Variants in ZNF620 observed in about 807,000 individuals in gnomAD.
ZNF620 encodes zinc finger protein 620.
Under a neutral mutation model 13.3 loss-of-function variants are expected in ZNF620, and 10 were observed. The ratio of observed to expected loss-of-function variants is 0.75; its 90% confidence interval spans 0.46 to 1.28. The LOEUF is 1.28. Among genes scored for constraint, ZNF620 ranks in the 50% most tolerant of loss-of-function variants. ZNF620 has a pLI of 0.00. For missense variants in ZNF620, 461 were observed against 500.2 expected (o/e 0.92, Z 0.75); for synonymous variants, 166 against 177.6 (o/e 0.93, Z 0.52).
In ZNF620 at chr3:40,506,300, TCA is replaced by T; in HGVS notation, c.-49-3_-49-2del. 1 of 1,612,926 alleles carries T rather than the reference TCA, an allele frequency of 6.2e-7. No individual in the cohort carries two copies. Among genetic ancestry groups the T allele is most frequent in the Non-Finnish European group, 8.5e-7 (1 of 1,179,396 alleles). ...TCACCGGTGCTTCTTTATTTTCTCT[TCA>T]GTTTCACTTCTCCGAACCCTGAGGC... is the stretch of plus-strand genomic sequence containing the variant. On this transcript the variant is annotated splice_acceptor_variant and splice_polypyrimidine_tract_variant and intron_variant, in intron 1 of 4. Transcript: ENST00000314529. LOFTEE classifies it low-confidence loss of function (5UTR_SPLICE).
chr3:40,511,080 C>T (rs1168116040), intron 2 of ZNF620, among the ~76,000 whole-genome samples: 1 of 152,138 alleles, frequency 6.6e-6, no homozygotes, highest in East Asian at 1.9e-4. Flanking sequence ...ATGTTACTAT[C>T]ACTTTAATGG....
At chr3:40,506,246 C>A in intron 1 of ZNF620, 58 bp from the exon 2 acceptor site, 2 of 1,426,964 alleles carry the variant, frequency 1.4e-6, no homozygotes, top group Non-Finnish European at 2.0e-6. Flanking sequence ...GCACAGAGGG[C>A]ATTTGCGGGG....
chr3:40,506,401 T>TC, intron 2 of ZNF620, 25 bp downstream of exon 2: 9 of 760,864 alleles, frequency 1.2e-5, no homozygotes, highest in Admixed American at 2.2e-5. Flanking sequence ...TCTCCCTCCC[T>TC]CCCACCCTTT....
intron 4 of ZNF620, among the ~76,000 whole-genome samples, chr3:40,513,207 G>A (rs1417847192): frequency 6.6e-6 from 1 of 150,546 alleles, no homozygotes; most frequent in Non-Finnish European, 1.5e-5. Flanking sequence ...GCTCATACCT[G>A]TAATCTCAGC....
Position 40,506,099 on chromosome 3 carries a change from G to A in ZNF620, c.-89G>A, listed in dbSNP as rs1228471987. 8 of 578,060 alleles carry A rather than the reference G, an allele frequency of 1.4e-5. No homozygotes were observed. Among genetic ancestry groups the A allele is most frequent in the Non-Finnish European group, 2.2e-5 (7 of 322,570 alleles). The allele number at this position is 578,060 out of a possible 1,614,324, so 35.8% of individuals were successfully genotyped here. On this transcript the variant is annotated 5_prime_UTR_variant, in exon 1 of 5. Transcript: ENST00000314529. ...CACGCTTTATCTGCGCCTGCGCCGC[G>A]CGGGATTCGCGGTCCGAGCTGAAGA...
At chr3:40,511,322 C>A in intron 2 of ZNF620, 148 bp from the exon 3 acceptor site, 1 of 1,074,636 alleles carries the variant, frequency 9.3e-7, no homozygotes. Context: ...CCTGTTGGTG[C>A]GGGCAAAGAT....
intron 2 of ZNF620, among the ~76,000 whole-genome samples, chr3:40,508,028 T>C (rs1468169268): frequency 6.6e-6 from 1 of 152,212 alleles, no homozygotes; most frequent in Non-Finnish European, 1.5e-5. Context: ...TGTGCTTATC[T>C]TTTATTACCT....
At chr3:40,514,492 T>G (rs1019521814) in intron 4 of ZNF620, among the ~76,000 whole-genome samples, 1 of 152,128 alleles carries the variant, frequency 6.6e-6, no homozygotes, top group Non-Finnish European at 1.5e-5. Flanking sequence ...TTGTCTTGTG[T>G]CTTTATTTCT....
rs774821757 is a variant in ZNF620, at chr3:40,511,613, T to C, written c.151+17T>C. On this transcript the variant is annotated intron_variant, in intron 3 of 4. Transcript: ENST00000314529. ...CTTCCCTGGGTAAGACATTTCTTCT[T>C]GTTTTTGGCCTCTGCCCTTTAAGCA... The C allele has an allele frequency of 8.1e-6, 13 of 1,611,586 alleles. No individual in the cohort carries two copies. Among genetic ancestry groups the C allele is most frequent in the Non-Finnish European group, 1.1e-5 (13 of 1,178,954 alleles).
Position 40,506,122 on chromosome 3 carries a change from A to G in ZNF620, c.-66A>G, listed in dbSNP as rs1698007444. 1 of 615,020 alleles carries G rather than the reference A, an allele frequency of 1.6e-6. No homozygotes were observed. The highest frequency in any genetic ancestry group is 1.8e-5 in the African/African-American group (1 of 54,562). 38.1% of individuals were successfully genotyped at this position (615,020 alleles called of 1,614,324 possible). ...GCGCGGGATTCGCGGTCCGAGCTGA[A>G]GAGGTTCGCGGTCCGGGTAACTGAT... is the stretch of plus-strand genomic sequence containing the variant. On this transcript the variant is annotated 5_prime_UTR_variant, in exon 1 of 5. Coordinates refer to ENST00000314529, the MANE Select transcript of ZNF620 (RefSeq NM_175888.4).
intron 3 of ZNF620, among the ~76,000 whole-genome samples, chr3:40,512,017 G>T (rs887390790): frequency 1.3e-5 from 2 of 152,094 alleles, no homozygotes; most frequent in Non-Finnish European, 2.9e-5. Flanking sequence ...ACTCTCTGTT[G>T]CCCTGAAGGC....
rs1401821964 is a variant in ZNF620, at chr3:40,516,905, C to T, written c.*42C>T. 2.0e-6 allele frequency: 3 copies of T among 1,525,962 alleles called. No homozygotes were observed. In the African/African-American group the frequency reaches 4.2e-5, roughly 21 times the overall value. 94.5% of individuals were successfully genotyped at this position (1,525,962 alleles called of 1,614,324 possible). A position where few individuals can be genotyped will look rare whatever the true frequency, so the allele number is the denominator to read the frequency against. On this transcript the variant is annotated 3_prime_UTR_variant, in exon 5 of 5. Coordinates refer to ENST00000314529, the MANE Select transcript of ZNF620 (RefSeq NM_175888.4). Reference sequence around the variant, plus strand: ...GCCCACTGTGCCTCTCCTTTTTTCTCTTTATTTTCATGCTTTTTATCAGTG... The same window carrying T: ...GCCCACTGTGCCTCTCCTTTTTTCTTTTTATTTTCATGCTTTTTATCAGTG...
intron 4 of ZNF620, among the ~76,000 whole-genome samples, chr3:40,513,466 A>G (rs1307040579): frequency 6.6e-6 from 1 of 150,696 alleles, no homozygotes; most frequent in Non-Finnish European, 1.5e-5. Flanking sequence ...GTGAAACTCC[A>G]TCGCTACTAA....
At chr3:40,508,451 T>A (rs1698096233) in intron 2 of ZNF620, among the ~76,000 whole-genome samples, 1 of 152,184 alleles carries the variant, frequency 6.6e-6, no homozygotes, top group South Asian at 2.1e-4. Context: ...TTACTGACTT[T>A]ACAAATATTT....
At chr3:40,508,567 T>C (rs1698100103) in intron 2 of ZNF620, 1 of 238,746 alleles carries the variant, frequency 4.2e-6, no homozygotes, top group Admixed American at 5.2e-5. Context: ...AGCTTTCTTT[T>C]ATGGCCCAGA....
At position 40,506,114 on chromosome 3, in the gene ZNF620, C is replaced by G. The variant is rs1698007129; in HGVS notation, c.-74C>G. ...CCTGCGCCGCGCGGGATTCGCGGTC[C>G]GAGCTGAAGAGGTTCGCGGTCCGGG... On this transcript the variant is annotated 5_prime_UTR_variant, in exon 1 of 5. Coordinates refer to ENST00000314529, the MANE Select transcript of ZNF620 (RefSeq NM_175888.4). 1 of 591,384 alleles carries G rather than the reference C, an allele frequency of 1.7e-6. No individual in the cohort carries two copies. The highest frequency in any genetic ancestry group is 3.0e-6 in the Non-Finnish European group (1 of 330,890). 36.6% of individuals were successfully genotyped at this position (591,384 alleles called of 1,614,324 possible). A position where few individuals can be genotyped will look rare whatever the true frequency, so the allele number is the denominator to read the frequency against.
rs1180708300 is a variant in ZNF620, at chr3:40,518,062, C to T, written c.*1199C>T. ...ATTTGTCTTAAATTTATTCTCATTG[C>T]TGTTTCAAGTGACCTCAAAGCAGGC... is the stretch of plus-strand genomic sequence containing the variant. On this transcript the variant is annotated 3_prime_UTR_variant, in exon 5 of 5. Transcript: ENST00000314529. The T allele has an allele frequency of 6.6e-6, 1 of 152,252 alleles. No individual in the cohort carries two copies. Among genetic ancestry groups the T allele is most frequent in the African/African-American group, 2.4e-5 (1 of 41,468 alleles). The allele number at this position is 152,252 out of a possible 1,614,324, so 9.4% of individuals were successfully genotyped here. A position where few individuals can be genotyped will look rare whatever the true frequency, so the allele number is the denominator to read the frequency against.
intron 2 of ZNF620, 32 bp from the exon 3 acceptor site, chr3:40,511,438 C>T: frequency 1.9e-6 from 3 of 1,608,088 alleles, no homozygotes; most frequent in Non-Finnish European, 2.5e-6. Flanking sequence ...TCTGCCCTCA[C>T]ACAGGGTTTG....
At chr3:40,506,253 G>A (rs1698011960) in intron 1 of ZNF620, 51 bp from the exon 2 acceptor site, 4 of 1,487,916 alleles carry the variant, frequency 2.7e-6, no homozygotes, top group Admixed American at 1.8e-5. Context: ...GGGCATTTGC[G>A]GGGTGCGAGG....
Sources: gnomAD v4.1 joint callset for allele counts (sites outside exome capture counted in the v4.1 genomes callset) on GRCh38, gnomAD v4.1.1 for gene constraint, MANE v1.5 for transcripts, NCBI Gene and HGNC (gene_info 2026-07-23, HGNC 2026-07-21) for gene names.